Variants in PTPRT observed in about 807,000 individuals in gnomAD.
PTPRT encodes receptor-type tyrosine-protein phosphatase T.
PTPRT carries 56 observed loss-of-function variants against 176.8 expected under a neutral mutation model. The ratio of observed to expected loss-of-function variants is 0.32; its 90% CI spans 0.26 to 0.40. The LOEUF (loss-of-function observed/expected upper bound fraction) is 0.40, where lower values mean the gene tolerates loss of function less well. Among genes scored for constraint, PTPRT ranks in the 10% least tolerant of loss-of-function variants. The pLI, the probability that PTPRT is intolerant of heterozygous loss-of-function variation, is 1.00. For synonymous variants in PTPRT, 783 were observed against 739.0 expected, an observed-to-expected ratio of 1.06 and a Z score of -0.96; for missense variants, 1,540 against 1,908.2, an observed-to-expected ratio of 0.81 and a Z score of 3.60.
intron 1 of PTPRT, among the ~76,000 whole-genome samples, chr20:43,071,751 C>T (rs1281286075): frequency 6.6e-6 from 1 of 152,242 alleles, no homozygotes; most frequent in Non-Finnish European, 1.5e-5. Flanking sequence ...TGCCATTGCA[C>T]TCCAGCCTGG....
chr20:42,080,969 A>C (rs761077990), intron 30 of PTPRT, 37 bp from the exon 31 acceptor site: 2 of 1,474,682 alleles, frequency 1.4e-6, no homozygotes, highest in Non-Finnish European at 9.5e-7. Context: ...GAGAGGGAGA[A>C]GAGGAGACGA....
chr20:42,779,463 C>T (rs890328487), intron 4 of PTPRT, among the ~76,000 whole-genome samples: 2 of 152,174 alleles, frequency 1.3e-5, no homozygotes, highest in Non-Finnish European at 2.9e-5. Flanking sequence ...GTATCCCTCC[C>T]AGGGTCTGCC....
intron 9 of PTPRT, among the ~76,000 whole-genome samples, chr20:42,363,257 C>A (rs2058456864): frequency 1.7e-5 from 2 of 120,746 alleles, no homozygotes; most frequent in Non-Finnish European, 3.3e-5. Flanking sequence ...ATTCTTGCAG[C>A]AATTTATTAC....
At chr20:42,737,563 C>G (rs1041916558) in intron 6 of PTPRT, among the ~76,000 whole-genome samples, 1 of 151,060 alleles carries the variant, frequency 6.6e-6, no homozygotes. Context: ...ACCCGGGAGA[C>G]GGAGGTTGCA....
intron 6 of PTPRT, among the ~76,000 whole-genome samples, chr20:42,737,994 C>T (rs993645975): frequency 3.9e-5 from 6 of 152,138 alleles, no homozygotes; most frequent in Admixed American, 2.6e-4. Context: ...GCCACATCAT[C>T]TCACTCATAC....
chr20:42,191,013 A>G (rs943751967), intron 16 of PTPRT, among the ~76,000 whole-genome samples: 1 of 152,188 alleles, frequency 6.6e-6, no homozygotes, highest in East Asian at 1.9e-4. Flanking sequence ...TACCAATGAG[A>G]TAAGAATGCT....
chr20:42,411,164 G>A (rs955514964), intron 9 of PTPRT, among the ~76,000 whole-genome samples: 4 of 152,136 alleles, frequency 2.6e-5, no homozygotes, highest in South Asian at 2.1e-4. Flanking sequence ...AAAGATGAAC[G>A]CCAGGCATGG....
At chr20:42,927,889 C>T (rs1979587423) in intron 1 of PTPRT, among the ~76,000 whole-genome samples, 2 of 152,158 alleles carry the variant, frequency 1.3e-5, no homozygotes, top group African/African-American at 2.4e-5. Flanking sequence ...ATTATTTCTC[C>T]TCATTTTACA....
chr20:42,681,177 T>C (rs2075597279), intron 6 of PTPRT, among the ~76,000 whole-genome samples: 1 of 152,184 alleles, frequency 6.6e-6, no homozygotes, highest in African/African-American at 2.4e-5. Context: ...CCCTATCTAT[T>C]TATAGCAGTT....
In PTPRT at chr20:42,584,508, G is replaced by A. The variant is rs141596158; in HGVS notation, c.1153+93358C>T. On this transcript the variant is annotated intron_variant, in intron 7 of 30. Coordinates refer to ENST00000373187, the MANE Select transcript of PTPRT (RefSeq NM_007050.6). ...TTTGCATACATTTCAGTCAATCAGA[G>A]AGGTCTTCTCTGATATCTTACCTAA... Among the ~76,000 whole-genome samples, 7 of 152,254 alleles carry A rather than the reference G, an allele frequency of 4.6e-5. No individual in the cohort carries two copies. In the East Asian group the frequency reaches 1.4e-3, roughly 29 times the overall value.
intron 1 of PTPRT, among the ~76,000 whole-genome samples, chr20:43,024,472 C>T (rs1484028157): frequency 1.3e-5 from 2 of 151,856 alleles, no homozygotes; most frequent in African/African-American, 4.8e-5. Context: ...CTCCTATAAT[C>T]CCAACTACTC....
chr20:42,859,940 TATA>T (rs946661667), intron 2 of PTPRT, among the ~76,000 whole-genome samples: 28 of 152,204 alleles, frequency 1.8e-4, no homozygotes, highest in African/African-American at 6.7e-4. Context: ...GGGACAAAGA[TATA>T]ATATTTTTCT....
rs142936455 is a variant in PTPRT, at chr20:42,493,966, C to A, written c.1154-21404G>T. On this transcript the variant is annotated intron_variant, in intron 7 of 30. Transcript: ENST00000373187. ...GAGGTACACATACTCAATCACATTG[C>A]CCATCCTCTCCTGTTGTCTTCCAGA... is the stretch of plus-strand genomic sequence containing the variant. Among the ~76,000 whole-genome samples, 234 of 151,560 alleles carry A rather than the reference C, an allele frequency of 1.5e-3. 1 individual carries two copies. The highest frequency in any genetic ancestry group is 2.9e-3 in the Non-Finnish European group (197 of 67,992).
chr20:42,282,448 C>A (rs756143294), intron 13 of PTPRT, 41 bp downstream of exon 13: 53 of 1,570,498 alleles, frequency 3.4e-5, no homozygotes, highest in Non-Finnish European at 4.5e-5. Context: ...ACTTAAATGG[C>A]TGAAGAACAG....
intron 2 of PTPRT, among the ~76,000 whole-genome samples, chr20:42,803,046 A>G (rs1266414695): frequency 1.3e-5 from 2 of 152,262 alleles, no homozygotes; most frequent in Non-Finnish European, 2.9e-5. Flanking sequence ...GCCCTCATGC[A>G]GATCTTCGAC....
the PTPRT span, among the ~76,000 whole-genome samples, chr20:42,043,063 T>G: frequency 6.6e-6 from 1 of 152,236 alleles, no homozygotes. Context: ...GCCAAGTTCT[T>G]GGGTGGAAAT....
At chr20:42,434,198 C>A (rs6102831) in intron 9 of PTPRT, among the ~76,000 whole-genome samples, 54,538 of 151,998 alleles carry the variant, frequency 0.36, 10,617 homozygotes, top group African/African-American at 0.51. Flanking sequence ...ACACTATATA[C>A]TATTGTTATA....
intron 7 of PTPRT, among the ~76,000 whole-genome samples, chr20:42,551,244 C>A (rs995562872): frequency 1.3e-5 from 2 of 152,008 alleles, no homozygotes; most frequent in African/African-American, 4.8e-5. Flanking sequence ...AAACATCTGC[C>A]TTGTTACTCT....
At chr20:42,643,974 T>C (rs1469447474) in intron 7 of PTPRT, among the ~76,000 whole-genome samples, 4 of 152,106 alleles carry the variant, frequency 2.6e-5, no homozygotes, top group Admixed American at 2.6e-4. Flanking sequence ...GAAAGCCTTC[T>C]AGCAAACACA....
Sources: allele counts gnomAD v4.1 joint callset (sites outside exome capture counted in the v4.1 genomes callset), GRCh38; gene constraint gnomAD v4.1.1; transcripts MANE v1.5; gene names NCBI Gene and HGNC (gene_info 2026-07-23, HGNC 2026-07-21).